Variants in SEC14L3 observed in about 807,000 individuals in gnomAD.
SEC14L3 encodes SEC14-like protein 3.
In SEC14L3, 56 loss-of-function variants were observed where a neutral mutation model predicts 57.4. The ratio of observed to expected loss-of-function variants is 0.97; its 90% CI spans 0.79 to 1.22. SEC14L3 has a LOEUF of 1.22. Ranked by LOEUF, SEC14L3 falls within the 50% of genes most tolerant of loss-of-function variation. The pLI is 0.00. For missense variants in SEC14L3, 485 were observed against 511.7 expected (o/e 0.95, Z 0.50); for synonymous variants, 173 against 194.4 (o/e 0.89, Z 0.92).
In SEC14L3 at chr22:30,462,177, C is replaced by A. The variant is rs764669690; in HGVS notation, c.680G>T (p.Gly227Val). 2.0e-5 allele frequency: 33 copies of A among 1,613,310 alleles called. No homozygotes were observed. The highest frequency in any genetic ancestry group is 5.3e-5 in the African/African-American group (4 of 74,890). ...IIVLGNNWKE[G>V]LLKLISPEEL... The stretch of plus-strand genomic sequence containing the variant: ...CTCAGGACTGATGAGTTTCAGCAAA[C>A]CTTCCTTCCAGTTATCTGGGAGCAG... The change falls in exon 9 of 12, where the codon GGT becomes GTT. Residue 227 changes from glycine (G) to valine (V), a missense_variant. Physicochemically the swap from Gly to Val is moderately radical, Grantham distance 109. Transcript: ENST00000215812.
In SEC14L3 at chr22:30,466,355, T is replaced by G. The variant is rs1935415999; in HGVS notation, c.559A>C (p.Lys187Gln). 1.2e-6 allele frequency: 2 copies of G among 1,613,996 alleles called. No individual in the cohort carries two copies. The part of the protein sequence containing the change: ...LLEENYPETL[K>Q]FMLIVKATKL... ...ATACCTTTCACGATGAGCATGAACT[T>G]CAGGGTCTCTGGGTAATTCTCTTCA... The change falls in exon 7 of 12, where the codon AAG becomes CAG. Residue 187 changes from lysine to glutamine, a missense_variant. Coordinates refer to ENST00000215812, the MANE Select transcript of SEC14L3 (RefSeq NM_174975.5).
At chr22:30,470,472 C>G (rs777849281) in intron 2 of SEC14L3, 35 bp downstream of exon 2, 15 of 1,613,436 alleles carry the variant, frequency 9.3e-6, no homozygotes, top group Admixed American at 1.7e-5. Flanking sequence ...CTCTTGATGC[C>G]CCCTGATCCC....
chr22:30,466,226 A>G lies in SEC14L3; in HGVS notation c.580+108T>C. 2.8e-6 allele frequency: 3 copies of G among 1,062,752 alleles called. No individual in the cohort carries two copies. In the South Asian group the frequency reaches 4.2e-5, roughly 15 times the overall value. 65.8% of individuals were successfully genotyped at this position (1,062,752 alleles called of 1,614,324 possible). A position where few individuals can be genotyped will look rare whatever the true frequency, so the allele number is the denominator to read the frequency against. ...ATTCTAAGTGATTTGCATACAGCCAAGAAACCAACCTGCCTCACAACAATC... is the reference window on the plus strand; with the variant it reads ...ATTCTAAGTGATTTGCATACAGCCAGGAAACCAACCTGCCTCACAACAATC... On this transcript the variant is annotated intron_variant, in intron 7 of 11. Coordinates refer to ENST00000215812, the MANE Select transcript of SEC14L3 (RefSeq NM_174975.5).
chr22:30,460,828 C>CAAA (rs747778887), intron 11 of SEC14L3, among the ~76,000 whole-genome samples: 45 of 104,394 alleles, frequency 4.3e-4, no homozygotes, highest in Non-Finnish European at 6.6e-4. Flanking sequence ...AACTCTGTCT[C>CAAA]AAAAAAAAAA....
intron 12 of SEC14L3, among the ~76,000 whole-genome samples, chr22:30,451,482 G>A (rs1027984539): frequency 6.6e-6 from 1 of 152,088 alleles, no homozygotes; most frequent in Non-Finnish European, 1.5e-5. Context: ...GGTAAACCAG[G>A]CTCCAAAGAG....
rs1287624741 is a variant in SEC14L3, at chr22:30,469,926, G to T, written c.234+93C>A. The stretch of plus-strand genomic sequence containing the variant: ...GACTGCAGGCCTGCGGGTTCCACAG[G>T]CCTCTCAGGCTTGCTGCCCCTCATT... On this transcript the variant is annotated intron_variant, in intron 4 of 11. Coordinates refer to ENST00000215812, the MANE Select transcript of SEC14L3 (RefSeq NM_174975.5). 6 of 938,978 alleles carry T rather than the reference G, an allele frequency of 6.4e-6. No individual in the cohort carries two copies. The South Asian group carries it at 6.6e-5, about 10-fold the overall frequency. 58.2% of individuals were successfully genotyped at this position (938,978 alleles called of 1,614,324 possible).
intron 12 of SEC14L3, among the ~76,000 whole-genome samples, chr22:30,451,639 G>C (rs1391688876): frequency 6.6e-6 from 1 of 152,062 alleles, no homozygotes; most frequent in African/African-American, 2.4e-5. Flanking sequence ...TAGCAGATAA[G>C]AAAAGAAACA....
At chr22:30,468,961 GTGGAGAAGAGTCGGGTTTAGTGA>G (rs1935516620) in intron 4 of SEC14L3, 1 of 1,430,352 alleles carries the variant, frequency 7.0e-7, no homozygotes, top group South Asian at 1.5e-5. Flanking sequence ...GTCCCTTTCT[GTGGAGAAGAGTCGGGTTTAGTGA>G]TGGAGAACAC....
At position 30,462,111 on chromosome 22, in the gene SEC14L3, T is replaced by C; in HGVS notation, c.746A>G (p.Asp249Gly). 3 of 1,614,182 alleles carry C rather than the reference T, an allele frequency of 1.9e-6. No homozygotes were observed. Among genetic ancestry groups the C allele is most frequent in the South Asian group, 2.2e-5 (2 of 91,072 alleles). ...AQFGGTLTDP[D>G]GNPKCLTKIN... ...CTTGGTTAAACATTTGGGGTTCCCA[T>C]CTGGGTCAGTCAGGGTGCCCCCAAA... is the stretch of plus-strand genomic sequence containing the variant. The change falls in exon 9 of 12, where the codon GAT (aspartate) becomes GGT (glycine). Residue 249 changes from aspartate to glycine, a missense_variant. By Grantham distance (94) the Asp-to-Gly change is moderately conservative. Coordinates refer to ENST00000215812, the MANE Select transcript of SEC14L3 (RefSeq NM_174975.5).
At chr22:30,456,629 C>T (rs947789712), downstream of SEC14L3, among the ~76,000 whole-genome samples, 2 of 152,154 alleles carry the variant, frequency 1.3e-5, no homozygotes, top group African/African-American at 4.8e-5. Flanking sequence ...CGCCATGACC[C>T]AAACACCTCC....
At chr22:30,459,204 T>C (rs1569226952), downstream of SEC14L3, 4 of 910,470 alleles carry the variant, frequency 4.4e-6, no homozygotes, top group South Asian at 1.0e-4. Context: ...GCACAGTTTC[T>C]GGTACACAGA....
chr22:30,448,736 AG>A, exon 13 of SEC14L3: 1 of 189,660 alleles, frequency 5.3e-6, no homozygotes, highest in South Asian at 1.6e-4. Context: ...AAAGAAAGAA[AG>A]AAAAAAAACC....
At chr22:30,464,713 G>A (rs1246384056) in intron 8 of SEC14L3, 107 bp downstream of exon 8, 5 of 1,004,050 alleles carry the variant, frequency 5.0e-6, no homozygotes, top group Non-Finnish European at 4.7e-6. Flanking sequence ...TTACATTCGT[G>A]AGCCACTGCA....
downstream of SEC14L3, among the ~76,000 whole-genome samples, chr22:30,456,646 G>A (rs1421970027): frequency 2.0e-5 from 3 of 152,160 alleles, no homozygotes; most frequent in Non-Finnish European, 4.4e-5. Flanking sequence ...CTCCCACTAG[G>A]CCCCACCTCC....
chr22:30,462,076 C>T lies in SEC14L3; in HGVS notation c.771+10G>A. 1 of 1,613,502 alleles carries T rather than the reference C, an allele frequency of 6.2e-7. No homozygotes were observed. The highest frequency in any genetic ancestry group is 2.2e-5 in the East Asian group (1 of 44,894). On this transcript the variant is annotated intron_variant, in intron 9 of 11. Coordinates refer to ENST00000215812, the MANE Select transcript of SEC14L3 (RefSeq NM_174975.5). ...GAACCTCTCTTGTCCCAGGGAAGGGCTCTTTGTACCTTGGTTAAACATTTG... is the reference window on the plus strand; with the variant it reads ...GAACCTCTCTTGTCCCAGGGAAGGGTTCTTTGTACCTTGGTTAAACATTTG...
At chr22:30,464,117 A>G (rs948620420) in intron 8 of SEC14L3, among the ~76,000 whole-genome samples, 3 of 152,152 alleles carry the variant, frequency 2.0e-5, no homozygotes, top group Admixed American at 1.3e-4. Context: ...CATCAAATGC[A>G]TGCACCATTA....
downstream of SEC14L3, among the ~76,000 whole-genome samples, chr22:30,454,865 A>AATAG (rs1474053110): frequency 1.6e-3 from 78 of 49,474 alleles, 20 homozygotes; most frequent in African/African-American, 8.4e-3. Flanking sequence ...ATTATTATAT[A>AATAG]ATACATAATA....
rs780331932 is a variant in SEC14L3, at chr22:30,470,193, C to T, written c.174+19G>A. 3.1e-6 allele frequency: 5 copies of T among 1,614,070 alleles called. No homozygotes were observed. Among genetic ancestry groups the T allele is most frequent in the Non-Finnish European group, 3.4e-6 (4 of 1,179,980 alleles). On this transcript the variant is annotated intron_variant, in intron 3 of 11. Transcript: ENST00000215812. Reference sequence around the variant, plus strand: ...CTGACAAATCCCCTCCATAAATTTCCAGAGTGGATAGGTCTCACCTTGCGG... The same window carrying T: ...CTGACAAATCCCCTCCATAAATTTCTAGAGTGGATAGGTCTCACCTTGCGG...
At chr22:30,471,822 T>A in intron 1 of SEC14L3, 83 bp downstream of exon 1, 1 of 1,562,156 alleles carries the variant, frequency 6.4e-7, no homozygotes, top group Non-Finnish European at 8.8e-7. Context: ...ATCAACTGAG[T>A]GGGGCAGGAT....
Sources: gnomAD v4.1 joint callset for allele counts (sites outside exome capture counted in the v4.1 genomes callset) on GRCh38, gnomAD v4.1.1 for gene constraint, MANE v1.5 for transcripts, NCBI Gene and HGNC (gene_info 2026-07-23, HGNC 2026-07-21) for gene names.